Variants in EFL1 observed in about 807,000 individuals in gnomAD.
The protein encoded by EFL1 is elongation factor like GTPase 1.
A neutral mutation model predicts 126.7 loss-of-function variants in EFL1; 76 were observed. That is an observed-to-expected ratio of 0.60 (90% CI 0.50 to 0.73). The LOEUF (loss-of-function observed/expected upper bound fraction) is 0.73, where lower values mean the gene tolerates loss of function less well. EFL1 is among the 30% of genes least tolerant of loss of function. The probability of loss-of-function intolerance (pLI) is 0.00; values close to 1 mark genes in which losing one functional copy is unlikely to be tolerated. For synonymous variants in EFL1, 410 were observed against 448.4 expected (o/e 0.91, Z 1.08); for missense variants, 1,128 against 1,343.2 (o/e 0.84, Z 2.50).
At chr15:82,227,423 T>C (rs2074775569) in intron 11 of EFL1, 27 bp downstream of exon 11, 1 of 1,613,938 alleles carries the variant, frequency 6.2e-7, no homozygotes, top group Non-Finnish European at 8.5e-7. Context: ...TGACATGGTA[T>C]ATTCCAACAG....
intron 15 of EFL1, among the ~76,000 whole-genome samples, chr15:82,202,712 T>C (rs1229771046): frequency 6.6e-6 from 1 of 152,162 alleles, no homozygotes; most frequent in African/African-American, 2.4e-5. Flanking sequence ...AAATATTCTA[T>C]TTCCAAATTA....
At chr15:82,253,388 G>C (rs557283614) in intron 3 of EFL1, among the ~76,000 whole-genome samples, 1 of 151,256 alleles carries the variant, frequency 6.6e-6, no homozygotes, top group South Asian at 2.1e-4. Context: ...GAGAAGTGAA[G>C]TTGATTGAGG....
intron 11 of EFL1, among the ~76,000 whole-genome samples, chr15:82,226,901 C>T (rs890842496): frequency 3.3e-5 from 5 of 152,116 alleles, no homozygotes; most frequent in Non-Finnish European, 7.3e-5. Flanking sequence ...CGAAGAAAAG[C>T]AGAAGCAAGG....
intron 15 of EFL1, among the ~76,000 whole-genome samples, chr15:82,177,095 C>T (rs2074203069): frequency 6.6e-6 from 1 of 152,156 alleles, no homozygotes; most frequent in African/African-American, 2.4e-5. Context: ...AGGAGCTTGG[C>T]TTCTGGGATG....
chr15:82,203,250 G>A (rs2074489462), intron 15 of EFL1, among the ~76,000 whole-genome samples: 1 of 152,160 alleles, frequency 6.6e-6, no homozygotes, highest in East Asian at 1.9e-4. Flanking sequence ...TTTCTCCTCA[G>A]TCATGTCCTC....
intron 15 of EFL1, among the ~76,000 whole-genome samples, chr15:82,209,989 A>G (rs1391772451): frequency 6.6e-6 from 1 of 152,224 alleles, no homozygotes; most frequent in Admixed American, 6.5e-5. Flanking sequence ...ATCATTTATG[A>G]TGAAAAGCAT....
intron 14 of EFL1, 96 bp from the exon 15 acceptor site, chr15:82,214,951 T>G: frequency 8.1e-7 from 1 of 1,237,814 alleles, no homozygotes; most frequent in Non-Finnish European, 1.1e-6. Flanking sequence ...TAAGATATGG[T>G]ATAGCAACAT....
At chr15:82,190,456 T>A (rs1302631563) in intron 15 of EFL1, among the ~76,000 whole-genome samples, 1 of 152,222 alleles carries the variant, frequency 6.6e-6, no homozygotes, top group African/African-American at 2.4e-5. Context: ...GAATGCTACA[T>A]CTTTCTATAT....
chr15:82,200,831 A>G (rs1220309092), intron 15 of EFL1, among the ~76,000 whole-genome samples: 1 of 152,220 alleles, frequency 6.6e-6, no homozygotes, highest in Admixed American at 6.5e-5. Flanking sequence ...CTGAAAAGCC[A>G]ATGTATTCAC....
At chr15:82,162,313 T>G (rs2074031695) in intron 16 of EFL1, among the ~76,000 whole-genome samples, 1 of 152,186 alleles carries the variant, frequency 6.6e-6, no homozygotes, top group Non-Finnish European at 1.5e-5. Flanking sequence ...AAATTATGGC[T>G]TAAATTATTT....
intron 3 of EFL1, among the ~76,000 whole-genome samples, chr15:82,253,749 G>C (rs2075044326): frequency 1.3e-5 from 2 of 152,028 alleles, no homozygotes; most frequent in Admixed American, 6.6e-5. Context: ...CCATTTAGTT[G>C]ATGACTTTCA....
chr15:82,244,214 C>A (rs1209459152), intron 4 of EFL1, among the ~76,000 whole-genome samples: 1 of 152,074 alleles, frequency 6.6e-6, no homozygotes, highest in Non-Finnish European at 1.5e-5. Context: ...AGAGAAAAAA[C>A]GTCCCCAAGC....
At chr15:82,132,410 C>T (rs1032444479) in intron 19 of EFL1, among the ~76,000 whole-genome samples, 7 of 151,974 alleles carry the variant, frequency 4.6e-5, no homozygotes, top group South Asian at 2.1e-4. Flanking sequence ...CCATTATCAG[C>T]GAACCAAAAA....
In EFL1 at chr15:82,262,715, G is replaced by A. The variant is rs2075141663; in HGVS notation, c.-121C>T. Reference sequence around the variant, plus strand: ...CTCTGCGGGTCCGACACGCCCGCGCGCCAGGGGGCGGGGCCGGCTGTCGCT... The same window carrying A: ...CTCTGCGGGTCCGACACGCCCGCGCACCAGGGGGCGGGGCCGGCTGTCGCT... On this transcript the variant is annotated 5_prime_UTR_variant, in exon 1 of 20. Coordinates refer to ENST00000268206, the MANE Select transcript of EFL1 (RefSeq NM_024580.6). 14 of 788,176 alleles carry A rather than the reference G, an allele frequency of 1.8e-5. No individual in the cohort carries two copies. In the South Asian group the frequency reaches 2.8e-4, roughly 16 times the overall value. The allele number at this position is 788,176 out of a possible 1,614,324, so 48.8% of individuals were successfully genotyped here. A position where few individuals can be genotyped will look rare whatever the true frequency, so the allele number is the denominator to read the frequency against.
Position 82,189,972 on chromosome 15 carries a change from C to T in EFL1, c.1750+24745G>A, listed in dbSNP as rs186274215. On this transcript the variant is annotated intron_variant, in intron 15 of 19. Coordinates refer to ENST00000268206, the MANE Select transcript of EFL1 (RefSeq NM_024580.6). Reference sequence around the variant, plus strand: ...CTCTACTAAAAATACAAACATTAGGCGGAGGGGGATGGTGCGTGCCTGTAG... The same window carrying T: ...CTCTACTAAAAATACAAACATTAGGTGGAGGGGGATGGTGCGTGCCTGTAG... Among the ~76,000 whole-genome samples, 8 of 151,862 alleles carry T rather than the reference C, an allele frequency of 5.3e-5. No homozygotes were observed. The East Asian group carries it at 9.7e-4, about 18-fold the overall frequency.
At chr15:82,255,494 T>C (rs941415667) in intron 3 of EFL1, among the ~76,000 whole-genome samples, 1 of 152,236 alleles carries the variant, frequency 6.6e-6, no homozygotes, top group Non-Finnish European at 1.5e-5. Flanking sequence ...TTGATGAATA[T>C]GTACTTAATT....
At chr15:82,234,473 AT>A (rs1229871780) in intron 7 of EFL1, among the ~76,000 whole-genome samples, 1 of 152,142 alleles carries the variant, frequency 6.6e-6, no homozygotes, top group Non-Finnish European at 1.5e-5. Flanking sequence ...CATTACTTCA[AT>A]TTATTTAGCT....
At chr15:82,215,922 T>G (rs1343429192) in intron 14 of EFL1, among the ~76,000 whole-genome samples, 4 of 152,034 alleles carry the variant, frequency 2.6e-5, no homozygotes, top group African/African-American at 9.7e-5. Flanking sequence ...GCTGGAGAGA[T>G]AGAAAAATTA....
At chr15:82,158,052 T>C (rs1003490040) in intron 16 of EFL1, among the ~76,000 whole-genome samples, 192 bp from the exon 17 acceptor site, 4 of 152,172 alleles carry the variant, frequency 2.6e-5, no homozygotes, top group African/African-American at 9.7e-5. Flanking sequence ...ATAGCAAACA[T>C]GACACATCCG....
Sources: gnomAD v4.1 joint callset for allele counts (sites outside exome capture counted in the v4.1 genomes callset) on GRCh38, gnomAD v4.1.1 for gene constraint, MANE v1.5 for transcripts, NCBI Gene and HGNC (gene_info 2026-07-23, HGNC 2026-07-21) for gene names.